The following KCNT1 variants were observed in gnomAD, a reference collection of about 807,000 sequenced individuals.
KCNT1 encodes potassium channel subfamily T member 1.
KCNT1 carries 78 observed loss-of-function variants against 147.8 expected under a neutral mutation model. The ratio of observed to expected loss-of-function variants is 0.53; its 90% CI spans 0.44 to 0.64. The LOEUF (loss-of-function observed/expected upper bound fraction) is 0.64, where lower values mean the gene tolerates loss of function less well. Ranked by LOEUF, KCNT1 falls within the 30% of genes least tolerant of loss-of-function variation. KCNT1 has a pLI of 0.00. For synonymous variants in KCNT1, 867 were observed against 748.8 expected (o/e 1.16, Z -2.58); for missense variants, 1,419 against 1,750.3 (o/e 0.81, Z 3.38).
intron 11 of KCNT1, among the ~76,000 whole-genome samples, 170 bp downstream of exon 11, chr9:135,760,029 T>A (rs1464483649): frequency 6.6e-6 from 1 of 152,142 alleles, no homozygotes; most frequent in African/African-American, 2.4e-5. Context: ...ACTGAGGGTC[T>A]ACGGCGGGTC....
In KCNT1 at chr9:135,765,608, T is replaced by C. The variant is rs1057521711; in HGVS notation, c.1201-16T>C. 9 of 1,601,836 alleles carry C rather than the reference T, an allele frequency of 5.6e-6. No individual in the cohort carries two copies. Among genetic ancestry groups the C allele is most frequent in the African/African-American group, 1.3e-5 (1 of 74,718 alleles). Reference sequence around the variant, plus strand: ...GGGGCTGGCTCAGAGGGTCTGACCCTCCGCCTGGCCGGCAGGACTATTACG... The same window carrying C: ...GGGGCTGGCTCAGAGGGTCTGACCCCCCGCCTGGCCGGCAGGACTATTACG... On this transcript the variant is annotated splice_polypyrimidine_tract_variant and intron_variant, in intron 12 of 30. Coordinates refer to ENST00000371757, the MANE Select transcript of KCNT1 (RefSeq NM_020822.3).
chr9:135,714,564 C>A lies in KCNT1; in HGVS notation c.111-13C>A. On this transcript the variant is annotated splice_polypyrimidine_tract_variant and intron_variant, in intron 1 of 30. Coordinates refer to ENST00000371757, the MANE Select transcript of KCNT1 (RefSeq NM_020822.3). This position sits in a 1 kb window ranked among gnomAD's most constrained non-coding sequence, Gnocchi z 6.2. ...CCCGACGCGGGCTGAGGGGCGCTGGCGTGTGCCCGCAGGCGGCCCTGCGCG... is the reference window on the plus strand; with the variant it reads ...CCCGACGCGGGCTGAGGGGCGCTGGAGTGTGCCCGCAGGCGGCCCTGCGCG... The A allele has an allele frequency of 1.6e-6, 2 of 1,235,178 alleles. No homozygotes were observed. Among genetic ancestry groups the A allele is most frequent in the Non-Finnish European group, 1.0e-6 (1 of 975,050 alleles). 76.5% of individuals were successfully genotyped at this position (1,235,178 alleles called of 1,614,324 possible).
chr9:135,785,239 C>A (rs1191275569), intron 27 of KCNT1, 71 bp from the exon 28 acceptor site: 3 of 1,596,786 alleles, frequency 1.9e-6, no homozygotes, highest in East Asian at 4.5e-5. Context: ...TCCGTGCAGA[C>A]CCCAGGCTGA....
At chr9:135,774,702 T>C (rs1220392465) in intron 19 of KCNT1, among the ~76,000 whole-genome samples, 1 of 152,130 alleles carries the variant, frequency 6.6e-6, no homozygotes, top group African/African-American at 2.4e-5. Flanking sequence ...TGCATACGCC[T>C]GCATGTGTTC....
chr9:135,780,187 T>C (rs1433530600), intron 24 of KCNT1, among the ~76,000 whole-genome samples: 1 of 152,104 alleles, frequency 6.6e-6, no homozygotes, highest in East Asian at 1.9e-4. Flanking sequence ...CACCACCTTG[T>C]CCACACGGGG....
intron 27 of KCNT1, 110 bp from the exon 28 acceptor site, chr9:135,785,200 G>A: frequency 6.7e-7 from 1 of 1,494,846 alleles, no homozygotes; most frequent in Non-Finnish European, 9.2e-7. Flanking sequence ...CACAGCAGCA[G>A]GCACCGTGCC....
Position 135,767,971 on chromosome 9 carries a change from G to A in KCNT1, c.1338-639G>A, listed in dbSNP as rs368430466. Among the ~76,000 whole-genome samples, 4 of 150,758 alleles carry A rather than the reference G, an allele frequency of 2.7e-5. No homozygotes were observed. The East Asian group carries it at 7.9e-4, about 30-fold the overall frequency. On this transcript the variant is annotated intron_variant, in intron 13 of 30. Coordinates refer to ENST00000371757, the MANE Select transcript of KCNT1 (RefSeq NM_020822.3). ...AGCATCTGACCCCCTGCCCCCACCC[G>A]CTGTCAGCCTGCACACACTCGGGGG...
chr9:135,786,821 G>A (rs539042660), intron 29 of KCNT1, among the ~76,000 whole-genome samples: 79 of 152,336 alleles, frequency 5.2e-4, no homozygotes, highest in African/African-American at 1.9e-3. Flanking sequence ...GGAGGTGCTC[G>A]CTTCCACTGC....
In KCNT1 at chr9:135,783,606, G is replaced by A. The variant is rs534008364; in HGVS notation, c.2842-418G>A. Among the ~76,000 whole-genome samples the A allele has an allele frequency of 1.2e-4, 19 of 152,378 alleles. No individual in the cohort carries two copies. In the South Asian group the frequency reaches 3.5e-3, roughly 28 times the overall value. ...GGCCAAGGACAGCAGGGAGCCCGAT[G>A]CTTGCTCCTCCTCAGCCCAGACTCC... is the stretch of plus-strand genomic sequence containing the variant. On this transcript the variant is annotated intron_variant, in intron 24 of 30. Coordinates refer to ENST00000371757, the MANE Select transcript of KCNT1 (RefSeq NM_020822.3).
At chr9:135,764,286 T>C (rs548658697) in intron 11 of KCNT1, among the ~76,000 whole-genome samples, 21 of 148,188 alleles carry the variant, frequency 1.4e-4, no homozygotes, top group African/African-American at 3.9e-4. Flanking sequence ...TGAGACCCCA[T>C]CTCTACAAAA....
At position 135,792,142 on chromosome 9, in the gene KCNT1, G is replaced by A. The variant is rs776538404; in HGVS notation, c.3689G>A (p.Arg1230His). ...HKLSSCNPET[R>H]DETQL Reference sequence around the variant, plus strand: ...CTGTCGTCCTGCAACCCCGAGACTCGCGACGAGACACAGCTCTGAGCCAGC... The same window carrying A: ...CTGTCGTCCTGCAACCCCGAGACTCACGACGAGACACAGCTCTGAGCCAGC... Residue 1230 changes from arginine to histidine, a missense_variant, in exon 31 of 31, where the codon CGC becomes CAC. Arg to His is a conservative substitution (Grantham distance 29, BLOSUM62 0). Around this residue, in one of 5 missense-constraint regions of KCNT1, gnomAD observed 306 missense variants for 294.2 expected, o/e 1.04. Coordinates refer to ENST00000371757, the MANE Select transcript of KCNT1 (RefSeq NM_020822.3). The A allele has an allele frequency of 6.0e-5, 97 of 1,605,718 alleles. No homozygotes were observed. The highest frequency in any genetic ancestry group is 7.8e-5 in the Non-Finnish European group (92 of 1,179,586).
intron 1 of KCNT1, among the ~76,000 whole-genome samples, chr9:135,702,613 G>A (rs1422436523): frequency 1.3e-5 from 2 of 152,170 alleles, no homozygotes; most frequent in African/African-American, 4.8e-5. Context: ...CTGGTAAGAA[G>A]CTGGGGGGAG....
At chr9:135,763,942 G>A (rs942035888) in intron 11 of KCNT1, among the ~76,000 whole-genome samples, 15 of 152,270 alleles carry the variant, frequency 9.9e-5, no homozygotes, top group Non-Finnish European at 1.3e-4. Context: ...CAGAGCCCCC[G>A]CCAGCACCAT....
chr9:135,733,151 T>C (rs1588280990), intron 2 of KCNT1, among the ~76,000 whole-genome samples: 1 of 151,822 alleles, frequency 6.6e-6, no homozygotes, highest in Non-Finnish European at 1.5e-5. Flanking sequence ...TATGCTTGTT[T>C]GTTGTCCTGG....
At chr9:135,766,543 G>A (rs897730880) in intron 13 of KCNT1, 1 of 141,042 alleles carries the variant, frequency 7.1e-6, no homozygotes, top group African/African-American at 3.2e-5. Context: ...GACCATCTGG[G>A]GTGGATCGTC....
chr9:135,742,739 C>T (rs970623924), intron 2 of KCNT1: 25 of 717,286 alleles, frequency 3.5e-5, no homozygotes, highest in South Asian at 3.0e-5. Context: ...ATCTGTCTCC[C>T]GCATTCTGGT....
At chr9:135,708,209 C>G (rs561632345) in intron 1 of KCNT1, among the ~76,000 whole-genome samples, 25 of 152,320 alleles carry the variant, frequency 1.6e-4, no homozygotes, top group South Asian at 4.1e-4. Flanking sequence ...CACATGCACA[C>G]AGATCCATGT....
chr9:135,703,913 T>G (rs1402977672), intron 1 of KCNT1, among the ~76,000 whole-genome samples: 1 of 152,188 alleles, frequency 6.6e-6, no homozygotes, highest in East Asian at 1.9e-4. Flanking sequence ...TGAGCTGGCC[T>G]CCGTTGCAAC....
chr9:135,766,195 CA>C (rs1443390853), intron 13 of KCNT1, among the ~76,000 whole-genome samples: 21 of 149,224 alleles, frequency 1.4e-4, no homozygotes, highest in African/African-American at 3.2e-4. Context: ...GTGAACTGTC[CA>C]GGGGGGACCA....
Sources: allele counts gnomAD v4.1 joint callset (sites outside exome capture counted in the v4.1 genomes callset), GRCh38; gene constraint gnomAD v4.1.1; regional missense constraint gnomAD v4.1.1; non-coding constraint Gnocchi (gnomAD v3.1); transcripts MANE v1.5; gene names NCBI Gene and HGNC (gene_info 2026-07-23, HGNC 2026-07-21).